Variants in CACNA2D3 observed in about 807,000 individuals in gnomAD.
CACNA2D3 encodes the protein voltage-dependent calcium channel subunit alpha-2/delta-3.
Under a neutral mutation model 160.6 loss-of-function variants are expected in CACNA2D3, and 60 were observed. The ratio of observed to expected loss-of-function variants is 0.37; its 90% CI spans 0.30 to 0.46. The LOEUF is 0.46. Among genes scored for constraint, CACNA2D3 ranks in the 20% least tolerant of loss-of-function variants. The pLI is 1.00. For synonymous variants in CACNA2D3, 558 were observed against 492.9 expected, an observed-to-expected ratio of 1.13 and a Z score of -1.75; for missense variants, 1,205 against 1,365.0, an observed-to-expected ratio of 0.88 and a Z score of 1.85.
intron 5 of CACNA2D3, among the ~76,000 whole-genome samples, chr3:54,529,154 G>C (rs1203620524): frequency 6.6e-6 from 1 of 152,222 alleles, no homozygotes; most frequent in Non-Finnish European, 1.5e-5. Flanking sequence ...ACCATGATGT[G>C]TCACCTGCCA....
Position 55,055,706 on chromosome 3 carries a change from C to A in CACNA2D3, c.2988-17739C>A, listed in dbSNP as rs1479101807. Among the ~76,000 whole-genome samples the A allele has an allele frequency of 2.6e-5, 4 of 152,136 alleles. No individual in the cohort carries two copies. The East Asian group carries it at 7.7e-4, about 29-fold the overall frequency. On this transcript the variant is annotated intron_variant, in intron 35 of 37. Transcript: ENST00000474759. ...ACAGGATATTTTCCATTTTTGGTGGCTTCTTTAGTTTCTTTCATCAATGTT... is the reference window on the plus strand; with the variant it reads ...ACAGGATATTTTCCATTTTTGGTGGATTCTTTAGTTTCTTTCATCAATGTT...
At position 54,937,903 on chromosome 3, in the gene CACNA2D3, G is replaced by A. The variant is rs138312839; in HGVS notation, c.2450-30547G>A. On this transcript the variant is annotated intron_variant, in intron 27 of 37. Coordinates refer to ENST00000474759, the MANE Select transcript of CACNA2D3 (RefSeq NM_018398.3). ...GGGTGAGAGGCTGGTTGCTGTCCCC[G>A]ACCTCATCTCCCGGTCACTTTATTA... Among the ~76,000 whole-genome samples, 323 of 152,234 alleles carry A rather than the reference G, an allele frequency of 2.1e-3. 5 individuals are homozygous for A. In the East Asian group the frequency reaches 0.045, roughly 21 times the overall value.
At chr3:54,991,635 C>A (rs1444777088) in intron 31 of CACNA2D3, among the ~76,000 whole-genome samples, 3 of 148,136 alleles carry the variant, frequency 2.0e-5, no homozygotes, top group Admixed American at 6.6e-5. Context: ...GGAGAAAATA[C>A]AGCCTGTCAT....
At chr3:54,752,384 A>C (rs1432647796) in intron 11 of CACNA2D3, among the ~76,000 whole-genome samples, 5 of 152,188 alleles carry the variant, frequency 3.3e-5, no homozygotes, top group Non-Finnish European at 5.9e-5. Flanking sequence ...ACCAAAAAAC[A>C]ACCACCACCA....
chr3:54,292,457 CA>C (rs1703232913), intron 2 of CACNA2D3, among the ~76,000 whole-genome samples: 1 of 151,706 alleles, frequency 6.6e-6, no homozygotes. Flanking sequence ...TAGAATATAC[CA>C]AAAACCCTTA....
chr3:54,124,593 G>A (rs1699549284), intron 2 of CACNA2D3, among the ~76,000 whole-genome samples: 1 of 152,178 alleles, frequency 6.6e-6, no homozygotes, highest in South Asian at 2.1e-4. Context: ...CATGCTGCCT[G>A]GTAACCAAGT....
chr3:54,745,559 C>T (rs1701739575), intron 11 of CACNA2D3, among the ~76,000 whole-genome samples: 2 of 152,218 alleles, frequency 1.3e-5, no homozygotes, highest in African/African-American at 4.8e-5. Context: ...CTGGCCCTGT[C>T]CTCTGAATGA....
intron 5 of CACNA2D3, among the ~76,000 whole-genome samples, chr3:54,535,293 C>A (rs981171496): frequency 6.6e-6 from 1 of 152,196 alleles, no homozygotes; most frequent in Admixed American, 6.5e-5. Flanking sequence ...GATTCTGATG[C>A]ATTTTAAAAT....
chr3:54,512,550 T>C (rs754031457), intron 5 of CACNA2D3, among the ~76,000 whole-genome samples: 5 of 152,174 alleles, frequency 3.3e-5, no homozygotes, highest in Non-Finnish European at 5.9e-5. Context: ...AAACCCTTTT[T>C]TCACTGCAGT....
chr3:54,905,791 T>C (rs1345189989), intron 27 of CACNA2D3, among the ~76,000 whole-genome samples: 1 of 152,166 alleles, frequency 6.6e-6, no homozygotes, highest in Non-Finnish European at 1.5e-5. Context: ...CACATGTCAG[T>C]AGTGCTGAGA....
chr3:54,939,256 A>G (rs1209795345), intron 27 of CACNA2D3, among the ~76,000 whole-genome samples: 2 of 152,152 alleles, frequency 1.3e-5, no homozygotes, highest in South Asian at 2.1e-4. Context: ...GGTAGGAACT[A>G]TTATCTTCTA....
chr3:54,694,149 T>C (rs1041382119), intron 11 of CACNA2D3, among the ~76,000 whole-genome samples: 4 of 152,206 alleles, frequency 2.6e-5, no homozygotes, highest in African/African-American at 7.2e-5. Flanking sequence ...GTTCCATTTT[T>C]AATCTTCTAT....
intron 35 of CACNA2D3, among the ~76,000 whole-genome samples, chr3:55,055,778 C>T (rs1054043959): frequency 6.6e-6 from 1 of 152,048 alleles, no homozygotes; most frequent in Non-Finnish European, 1.5e-5. Context: ...GTTAAATTTA[C>T]TCCTAAGCTT....
At chr3:54,642,324 C>T (rs1413732720) in intron 11 of CACNA2D3, 83 bp downstream of exon 11, 2 of 698,344 alleles carry the variant, frequency 2.9e-6, no homozygotes, top group Non-Finnish European at 2.3e-6. Flanking sequence ...GAGTAAGTGC[C>T]TCATGTAGAC....
At chr3:54,475,580 TC>T (rs1332995717) in intron 4 of CACNA2D3, among the ~76,000 whole-genome samples, 1 of 152,090 alleles carries the variant, frequency 6.6e-6, no homozygotes, top group Non-Finnish European at 1.5e-5. Flanking sequence ...CTGCTGAAGT[TC>T]CCTTCCCCCA....
chr3:55,064,059 T>C (rs1001005065), intron 35 of CACNA2D3, among the ~76,000 whole-genome samples: 4 of 152,212 alleles, frequency 2.6e-5, no homozygotes, highest in African/African-American at 7.2e-5. Flanking sequence ...GGGCTGCACA[T>C]TGGCCCAGTG....
chr3:54,225,379 T>A (rs1701652889), intron 2 of CACNA2D3, among the ~76,000 whole-genome samples: 1 of 152,244 alleles, frequency 6.6e-6, no homozygotes, highest in Non-Finnish European at 1.5e-5. Context: ...ACTGTGTTTT[T>A]AAAAAGTGCT....
chr3:54,825,812 AAT>A (rs1169579784), intron 14 of CACNA2D3, among the ~76,000 whole-genome samples: 1 of 152,238 alleles, frequency 6.6e-6, no homozygotes, highest in Non-Finnish European at 1.5e-5. Context: ...TGTAAAATAT[AAT>A]AAATGAAGTC....
At chr3:54,868,140 T>G (rs1699444563) in intron 17 of CACNA2D3, among the ~76,000 whole-genome samples, 1 of 152,230 alleles carries the variant, frequency 6.6e-6, no homozygotes. Context: ...TAGAGTTGTC[T>G]CATAGCTCTT....
Sources: allele counts gnomAD v4.1 joint callset (sites outside exome capture counted in the v4.1 genomes callset), GRCh38; gene constraint gnomAD v4.1.1; transcripts MANE v1.5; gene names NCBI Gene and HGNC (gene_info 2026-07-23, HGNC 2026-07-21).